The following CLIC4 variants were observed in gnomAD, a reference collection of about 807,000 sequenced individuals.
CLIC4 encodes CLIC family member 4.
In CLIC4, 13 loss-of-function variants were observed where a neutral mutation model predicts 24.6. That is an observed-to-expected ratio of 0.53 (90% CI 0.34 to 0.84). The LOEUF (loss-of-function observed/expected upper bound fraction) is 0.84, where lower values mean the gene tolerates loss of function less well. Among genes scored for constraint, CLIC4 ranks in the 40% least tolerant of loss-of-function variants. CLIC4 has a pLI of 0.01. For synonymous variants in CLIC4, 104 were observed against 111.3 expected (o/e 0.93, Z 0.41); for missense variants, 227 against 301.7 (o/e 0.75, Z 1.83).
At chr1:24,765,110 T>C (rs1638977682) in intron 1 of CLIC4, among the ~76,000 whole-genome samples, 1 of 152,228 alleles carries the variant, frequency 6.6e-6, no homozygotes, top group African/African-American at 2.4e-5. Flanking sequence ...GATCTGGTTT[T>C]CCTATATTTA....
At chr1:24,820,267 CTTTTTT>C (rs372726009) in intron 3 of CLIC4, among the ~76,000 whole-genome samples, 1 of 49,772 alleles carries the variant, frequency 2.0e-5, no homozygotes. Context: ...CCTTTTTGGT[CTTTTTT>C]TTTTTTTTTT....
chr1:24,820,830 T>C (rs1639722895), intron 3 of CLIC4, among the ~76,000 whole-genome samples: 1 of 152,190 alleles, frequency 6.6e-6, no homozygotes, highest in Non-Finnish European at 1.5e-5. Context: ...AACATACATA[T>C]GACTTTAGTT....
intron 2 of CLIC4, among the ~76,000 whole-genome samples, chr1:24,799,451 G>C (rs1463545032): frequency 6.7e-6 from 1 of 149,942 alleles, no homozygotes; most frequent in Non-Finnish European, 1.5e-5. Flanking sequence ...CCCTCCGCCC[G>C]GCAGCTGCCC....
intron 1 of CLIC4, among the ~76,000 whole-genome samples, chr1:24,748,586 C>T (rs1469816139): frequency 6.8e-6 from 1 of 147,356 alleles, no homozygotes; most frequent in African/African-American, 2.5e-5. Flanking sequence ...TCTCGGCTCA[C>T]TGCACCCTCT....
intron 1 of CLIC4, among the ~76,000 whole-genome samples, chr1:24,772,652 ATT>A (rs1639083964): frequency 6.6e-6 from 1 of 152,036 alleles, no homozygotes; most frequent in African/African-American, 2.4e-5. Flanking sequence ...TGTCCAGCTA[ATT>A]TTTGTATTAT....
At chr1:24,826,202 A>G (rs1443148164) in intron 3 of CLIC4, among the ~76,000 whole-genome samples, 2 of 152,238 alleles carry the variant, frequency 1.3e-5, no homozygotes, top group African/African-American at 4.8e-5. Context: ...TGACAACACA[A>G]TAGAACACTT....
chr1:24,817,252 A>ATCTAGATAGATCAGCTAGATCT (rs1216398456), intron 3 of CLIC4, among the ~76,000 whole-genome samples: 138 of 152,112 alleles, frequency 9.1e-4, no homozygotes, highest in African/African-American at 2.6e-3. Flanking sequence ...ATGAAGGAAG[A>ATCTAGATAGATCAGCTAGATCT]TCTAGATAGA....
At chr1:24,821,916 T>A (rs1349067355) in intron 3 of CLIC4, among the ~76,000 whole-genome samples, 1 of 152,144 alleles carries the variant, frequency 6.6e-6, no homozygotes, top group African/African-American at 2.4e-5. Context: ...CTTATCCCTC[T>A]GCTGTTATTA....
chr1:24,788,081 T>C (rs1362721171), intron 1 of CLIC4, among the ~76,000 whole-genome samples: 3 of 152,034 alleles, frequency 2.0e-5, no homozygotes, highest in Non-Finnish European at 4.4e-5. Flanking sequence ...CTCAAACTCC[T>C]GACCTCGTGA....
chr1:24,788,908 T>C (rs1245975717), intron 1 of CLIC4, among the ~76,000 whole-genome samples: 1 of 152,184 alleles, frequency 6.6e-6, no homozygotes, highest in African/African-American at 2.4e-5. Context: ...TTTTAGATAA[T>C]TACTGCTCTA....
rs1006500037 is a variant in CLIC4, at chr1:24,842,360, C to A, written c.*1423C>A. ...AAAACCAGACTTTCTACGTACTACT[C>A]CAAAGACTGTGATTGTGACTATAAT... On this transcript the variant is annotated 3_prime_UTR_variant, in exon 6 of 6. Transcript: ENST00000374379. 3 of 152,122 alleles carry A rather than the reference C, an allele frequency of 2.0e-5. No individual in the cohort carries two copies. Among genetic ancestry groups the A allele is most frequent in the Non-Finnish European group, 2.9e-5 (2 of 68,012 alleles). The allele number at this position is 152,122 out of a possible 1,614,324, so 9.4% of individuals were successfully genotyped here.
At chr1:24,791,552 C>A (rs911001889) in intron 1 of CLIC4, among the ~76,000 whole-genome samples, 8 of 151,898 alleles carry the variant, frequency 5.3e-5, no homozygotes. Context: ...TCAGCCTGGC[C>A]AACATGGTGA....
At chr1:24,840,379 T>A (rs1461805291) in intron 5 of CLIC4, among the ~76,000 whole-genome samples, 2 of 152,216 alleles carry the variant, frequency 1.3e-5, no homozygotes, top group African/African-American at 2.4e-5. Flanking sequence ...GCAAAAAGTA[T>A]TGAGCATTTA....
At chr1:24,789,214 A>G (rs1414646698) in intron 1 of CLIC4, among the ~76,000 whole-genome samples, 6 of 152,168 alleles carry the variant, frequency 3.9e-5, no homozygotes, top group African/African-American at 7.2e-5. Flanking sequence ...AGTTAGATGG[A>G]TGATCTCAAA....
chr1:24,750,437 T>TTTCTTTCTTTC, intron 1 of CLIC4, among the ~76,000 whole-genome samples: 1 of 137,998 alleles, frequency 7.2e-6, no homozygotes, highest in African/African-American at 2.6e-5. Flanking sequence ...TCTTTCTTTC[T>TTTCTTTCTTTC]TTTTTTTTTT....
At chr1:24,817,392 T>C (rs1639682586) in intron 3 of CLIC4, among the ~76,000 whole-genome samples, 1 of 152,176 alleles carries the variant, frequency 6.6e-6, no homozygotes, top group Non-Finnish European at 1.5e-5. Flanking sequence ...GTTACAAAGA[T>C]GGCCTCTTTC....
chr1:24,759,714 CA>C (rs1231147660), intron 1 of CLIC4, among the ~76,000 whole-genome samples: 1 of 152,050 alleles, frequency 6.6e-6, no homozygotes, highest in African/African-American at 2.4e-5. Context: ...TTTGAGAGGC[CA>C]AGGTGGGTGG....
chr1:24,797,230 G>A (rs1639415096), intron 1 of CLIC4, among the ~76,000 whole-genome samples: 2 of 151,502 alleles, frequency 1.3e-5, no homozygotes, highest in Admixed American at 1.3e-4. Flanking sequence ...GGGATTACAG[G>A]TGTGTGCCAC....
chr1:24,761,482 G>A (rs1325130651), intron 1 of CLIC4, among the ~76,000 whole-genome samples: 2 of 152,098 alleles, frequency 1.3e-5, no homozygotes, highest in African/African-American at 4.8e-5. Context: ...TGTAAAGGCT[G>A]GAAATAATCA....
Sources: allele counts gnomAD v4.1 joint callset (sites outside exome capture counted in the v4.1 genomes callset), GRCh38; gene constraint gnomAD v4.1.1; transcripts MANE v1.5; gene names NCBI Gene and HGNC (gene_info 2026-07-23, HGNC 2026-07-21).